The following PTPRG variants were observed in gnomAD, a reference collection of about 807,000 sequenced individuals.
PTPRG encodes the protein protein tyrosine phosphatase receptor type G.
In PTPRG, 102 loss-of-function variants were observed where a neutral mutation model predicts 165.3. That is an observed-to-expected ratio of 0.62 (90% CI 0.53 to 0.73). The LOEUF is 0.73. PTPRG is among the 30% of genes least tolerant of loss of function. The pLI, the probability that PTPRG is intolerant of heterozygous loss-of-function variation, is 0.00. For synonymous variants in PTPRG, 675 were observed against 669.5 expected, an observed-to-expected ratio of 1.01 and a Z score of -0.13; for missense variants, 1,866 against 1,861.4, an observed-to-expected ratio of 1.00 and a Z score of -0.05.
chr3:62,073,624 G>A (rs1244807232), intron 4 of PTPRG, among the ~76,000 whole-genome samples: 2 of 152,084 alleles, frequency 1.3e-5, no homozygotes, highest in Non-Finnish European at 2.9e-5. Context: ...CCAAGTGGCA[G>A]GCACCTGCCA....
chr3:61,623,575 A>G (rs1701522951), intron 1 of PTPRG, among the ~76,000 whole-genome samples: 1 of 152,182 alleles, frequency 6.6e-6, no homozygotes, highest in Non-Finnish European at 1.5e-5. Context: ...GCTTGGGGTT[A>G]CACCTGGTTT....
At chr3:61,789,308 C>G (rs1302076107) in intron 2 of PTPRG, among the ~76,000 whole-genome samples, 3 of 152,042 alleles carry the variant, frequency 2.0e-5, no homozygotes, top group South Asian at 2.1e-4. Flanking sequence ...CCCTGTGTTG[C>G]CCAGGCTGGT....
At chr3:62,207,241 T>C (rs935351095) in intron 12 of PTPRG, among the ~76,000 whole-genome samples, 1 of 152,242 alleles carries the variant, frequency 6.6e-6, no homozygotes, top group Non-Finnish European at 1.5e-5. Flanking sequence ...GATGTGATAG[T>C]ATTTCAATTA....
chr3:62,122,893 G>A (rs997900102), intron 5 of PTPRG, among the ~76,000 whole-genome samples: 1 of 152,132 alleles, frequency 6.6e-6, no homozygotes, highest in African/African-American at 2.4e-5. Flanking sequence ...TGTTGTGTGG[G>A]TTCATTACAG....
chr3:61,676,780 G>A (rs1404217690), intron 1 of PTPRG, among the ~76,000 whole-genome samples: 2 of 152,034 alleles, frequency 1.3e-5, no homozygotes, highest in East Asian at 1.9e-4. Flanking sequence ...CTCTCATCAG[G>A]GATAGTTGGA....
At chr3:61,759,859 T>A (rs78421866) in intron 2 of PTPRG, among the ~76,000 whole-genome samples, 1,582 of 152,146 alleles carry the variant, frequency 0.01, 11 homozygotes, top group Non-Finnish European at 0.017. Context: ...TTAACATCTC[T>A]CTGTCACTTG....
At chr3:61,678,131 T>G (rs1396366810) in intron 1 of PTPRG, among the ~76,000 whole-genome samples, 1 of 152,164 alleles carries the variant, frequency 6.6e-6, no homozygotes, top group Non-Finnish European at 1.5e-5. Flanking sequence ...CAGCTCGTGC[T>G]GTTTCCAGTC....
At chr3:62,078,451 A>T (rs1181411694) in intron 5 of PTPRG, among the ~76,000 whole-genome samples, 193 bp downstream of exon 5, 2 of 152,222 alleles carry the variant, frequency 1.3e-5, no homozygotes, top group Non-Finnish European at 2.9e-5. Context: ...AAATTTTTGC[A>T]TGAATTACTC....
intron 8 of PTPRG, among the ~76,000 whole-genome samples, chr3:62,173,556 T>C (rs140742170): frequency 2.4e-4 from 37 of 152,318 alleles, no homozygotes; most frequent in African/African-American, 8.7e-4. Flanking sequence ...TTTTCTGTCT[T>C]CAAGGTGGTA....
chr3:62,243,988 T>C, intron 15 of PTPRG, 90 bp downstream of exon 15: 1 of 795,660 alleles, frequency 1.3e-6, no homozygotes, highest in Non-Finnish European at 2.0e-6. Context: ...AAATATTTTA[T>C]AGCCTTTTAA....
chr3:61,907,999 T>C (rs1174226754), intron 2 of PTPRG, among the ~76,000 whole-genome samples: 1 of 151,720 alleles, frequency 6.6e-6, no homozygotes, highest in Non-Finnish European at 1.5e-5. Flanking sequence ...TGTGTGCCTG[T>C]AGTCTCAGCT....
intron 10 of PTPRG, among the ~76,000 whole-genome samples, chr3:62,198,110 G>T (rs1700013225): frequency 6.6e-6 from 1 of 152,146 alleles, no homozygotes; most frequent in South Asian, 2.1e-4. Context: ...TATTTAGGTT[G>T]TATGTAACAT....
chr3:61,643,277 A>AGAGAGAGAG (rs1559537079), intron 1 of PTPRG, among the ~76,000 whole-genome samples: 112 of 149,832 alleles, frequency 7.5e-4, no homozygotes, highest in South Asian at 4.7e-3. Flanking sequence ...GAGAGAGAGA[A>AGAGAGAGAG]AGAGAGAGAG....
intron 4 of PTPRG, among the ~76,000 whole-genome samples, chr3:62,056,598 A>G (rs1010355081): frequency 2.0e-5 from 3 of 152,196 alleles, no homozygotes. Context: ...TGTGCATTGT[A>G]GGATGTAAAA....
intron 2 of PTPRG, among the ~76,000 whole-genome samples, chr3:61,756,739 T>G (rs1393712158): frequency 6.6e-6 from 1 of 152,220 alleles, no homozygotes; most frequent in East Asian, 1.9e-4. Context: ...AGTCTAGCAG[T>G]AAGATGAAAT....
intron 2 of PTPRG, among the ~76,000 whole-genome samples, chr3:61,821,469 G>T (rs1048994125): frequency 5.9e-5 from 9 of 152,098 alleles, no homozygotes; most frequent in Admixed American, 6.6e-5. Context: ...GCGCACTGCC[G>T]TCTGCTCTTC....
At chr3:61,717,042 G>C (rs2031840475) in intron 1 of PTPRG, among the ~76,000 whole-genome samples, 1 of 152,130 alleles carries the variant, frequency 6.6e-6, no homozygotes, top group Non-Finnish European at 1.5e-5. Flanking sequence ...TTGTTTCTTT[G>C]TCTTAAACTC....
At chr3:61,787,540 C>G (rs895771106) in intron 2 of PTPRG, among the ~76,000 whole-genome samples, 10 of 152,140 alleles carry the variant, frequency 6.6e-5, no homozygotes, top group African/African-American at 1.9e-4. Context: ...GTAAAGAGCC[C>G]CTAAGTAATG....
chr3:61,882,679 C>T (rs188046725), intron 2 of PTPRG, among the ~76,000 whole-genome samples: 55 of 152,218 alleles, frequency 3.6e-4, no homozygotes, highest in Admixed American at 1.4e-3. Flanking sequence ...TCAGAGTATT[C>T]GTCTCTGGAT....
Sources: allele counts gnomAD v4.1 joint callset (sites outside exome capture counted in the v4.1 genomes callset), GRCh38; gene constraint gnomAD v4.1.1; transcripts MANE v1.5; gene names NCBI Gene and HGNC (gene_info 2026-07-23, HGNC 2026-07-21).